The following KCNT2 variants were observed in gnomAD, a reference collection of about 807,000 sequenced individuals.
KCNT2 encodes potassium sodium-activated channel subfamily T member 2.
A neutral mutation model predicts 153.8 loss-of-function variants in KCNT2; 67 were observed. That is an observed-to-expected ratio of 0.44 (90% CI 0.36 to 0.53). The LOEUF (loss-of-function observed/expected upper bound fraction) is 0.53, where lower values mean the gene tolerates loss of function less well. KCNT2 is among the 20% of genes least tolerant of loss of function. The probability of loss-of-function intolerance (pLI) is 0.00; values close to 1 mark genes in which losing one functional copy is unlikely to be tolerated. For synonymous variants in KCNT2, 500 were observed against 458.8 expected (o/e 1.09, Z -1.15); for missense variants, 975 against 1,354.8 (o/e 0.72, Z 4.40).
At chr1:196,570,216 T>G (rs1362804223) in intron 1 of KCNT2, among the ~76,000 whole-genome samples, 1 of 152,116 alleles carries the variant, frequency 6.6e-6, no homozygotes, top group East Asian at 1.9e-4. Flanking sequence ...ACCTGCTTTT[T>G]GGGTGAAATG....
chr1:196,530,149 G>T (rs1352416586), intron 1 of KCNT2, among the ~76,000 whole-genome samples: 1 of 151,756 alleles, frequency 6.6e-6, no homozygotes, highest in Non-Finnish European at 1.5e-5. Context: ...ATGGCAGAAT[G>T]CACAAAGAAA....
intron 5 of KCNT2, among the ~76,000 whole-genome samples, chr1:196,474,283 A>G (rs910904178): frequency 6.6e-6 from 1 of 152,152 alleles, no homozygotes; most frequent in African/African-American, 2.4e-5. Context: ...GCCCCAATTC[A>G]GCCAAGGAAC....
chr1:196,473,359 T>C (rs550649411), intron 5 of KCNT2, among the ~76,000 whole-genome samples: 1 of 152,310 alleles, frequency 6.6e-6, no homozygotes, highest in East Asian at 1.9e-4. Flanking sequence ...CACTTTAAAC[T>C]CTGTGAGGTC....
At chr1:196,392,267 A>C (rs765150219) in intron 13 of KCNT2, among the ~76,000 whole-genome samples, 6 of 151,226 alleles carry the variant, frequency 4.0e-5, no homozygotes, top group Non-Finnish European at 5.9e-5. Flanking sequence ...GAATGGCATA[A>C]AAAATTAAAG....
chr1:196,267,885 T>C (rs1356562618), intron 25 of KCNT2, among the ~76,000 whole-genome samples: 1 of 152,128 alleles, frequency 6.6e-6, no homozygotes, highest in East Asian at 1.9e-4. Flanking sequence ...CTCAGCCCCT[T>C]GTCATATGCC....
chr1:196,448,927 T>A (rs1267358122), intron 8 of KCNT2, among the ~76,000 whole-genome samples: 1 of 151,726 alleles, frequency 6.6e-6, no homozygotes, highest in Non-Finnish European at 1.5e-5. Context: ...CCCTAAATTG[T>A]GGCAATAAAA....
At chr1:196,518,830 C>A (rs1293139118) in intron 1 of KCNT2, among the ~76,000 whole-genome samples, 1 of 152,038 alleles carries the variant, frequency 6.6e-6, no homozygotes, top group Admixed American at 6.6e-5. Flanking sequence ...TAGACTTCCA[C>A]AAAATAATAG....
chr1:196,585,234 T>C (rs539901864), intron 1 of KCNT2, among the ~76,000 whole-genome samples: 35 of 152,050 alleles, frequency 2.3e-4, no homozygotes, highest in Non-Finnish European at 4.6e-4. Context: ...AAAAGGAAGA[T>C]CAGAAAATTA....
chr1:196,574,498 T>C (rs377353176), intron 1 of KCNT2, among the ~76,000 whole-genome samples: 5 of 151,954 alleles, frequency 3.3e-5, no homozygotes, highest in Admixed American at 1.3e-4. Flanking sequence ...GAATCCAGGT[T>C]TGCTCTCATG....
intron 1 of KCNT2, among the ~76,000 whole-genome samples, chr1:196,601,989 A>G (rs1328316357): frequency 6.6e-6 from 1 of 152,158 alleles, no homozygotes; most frequent in African/African-American, 2.4e-5. Flanking sequence ...TTCAATTGCT[A>G]ATGATTAAGA....
intron 1 of KCNT2, among the ~76,000 whole-genome samples, chr1:196,503,550 T>C (rs1680871443): frequency 6.6e-6 from 1 of 152,144 alleles, no homozygotes; most frequent in Admixed American, 6.5e-5. Flanking sequence ...CACTAGTCAT[T>C]GTAAAATCTC....
intron 12 of KCNT2, among the ~76,000 whole-genome samples, chr1:196,405,781 T>C (rs541097341): frequency 6.7e-4 from 101 of 151,606 alleles, no homozygotes; most frequent in African/African-American, 2.1e-3. Context: ...AACTTATTCA[T>C]TGGACACTTT....
At chr1:196,557,873 G>A (rs988544248) in intron 1 of KCNT2, among the ~76,000 whole-genome samples, 5 of 151,276 alleles carry the variant, frequency 3.3e-5, no homozygotes, top group East Asian at 3.9e-4. Flanking sequence ...TTTAAGGTGC[G>A]TCTTTTGTTC....
At chr1:196,317,535 A>T (rs1469514636) in intron 20 of KCNT2, among the ~76,000 whole-genome samples, 2 of 151,690 alleles carry the variant, frequency 1.3e-5, no homozygotes, top group African/African-American at 4.8e-5. Flanking sequence ...CCTTATCATA[A>T]TTTTACATCA....
intron 8 of KCNT2, among the ~76,000 whole-genome samples, chr1:196,431,318 T>C (rs998056020): frequency 1.3e-5 from 2 of 152,022 alleles, no homozygotes; most frequent in African/African-American, 2.4e-5. Context: ...AGCTTTGGAA[T>C]TGGGTAATGG....
At chr1:196,521,469 A>T (rs1653390662) in intron 1 of KCNT2, among the ~76,000 whole-genome samples, 1 of 152,186 alleles carries the variant, frequency 6.6e-6, no homozygotes, top group Non-Finnish European at 1.5e-5. Context: ...AAAGAATATA[A>T]ATCATTCTAC....
At chr1:196,597,218 G>T (rs1004888973) in intron 1 of KCNT2, among the ~76,000 whole-genome samples, 4 of 151,648 alleles carry the variant, frequency 2.6e-5, no homozygotes, top group Non-Finnish European at 4.4e-5. Flanking sequence ...AACAAAGAAT[G>T]TAACTTCAAT....
At chr1:196,388,834 T>C (rs910910131) in intron 13 of KCNT2, among the ~76,000 whole-genome samples, 1 of 151,780 alleles carries the variant, frequency 6.6e-6, no homozygotes, top group African/African-American at 2.4e-5. Flanking sequence ...TTAATAAAGC[T>C]AGTTTTACTA....
At chr1:196,479,563 G>T (rs78144242) in intron 4 of KCNT2, among the ~76,000 whole-genome samples, 2,614 of 152,142 alleles carry the variant, frequency 0.017, 79 homozygotes, top group African/African-American at 0.059. Context: ...CTCTTTTATG[G>T]GTGTGTTTCG....
Sources: allele counts gnomAD v4.1 joint callset (sites outside exome capture counted in the v4.1 genomes callset), GRCh38; gene constraint gnomAD v4.1.1; transcripts MANE v1.5; gene names NCBI Gene and HGNC (gene_info 2026-07-23, HGNC 2026-07-21).